The following NEBL variants were observed in gnomAD, a reference collection of about 807,000 sequenced individuals.
NEBL encodes nebulette.
A neutral mutation model predicts 140.2 loss-of-function variants in NEBL; 122 were observed. The ratio of observed to expected loss-of-function variants is 0.87; its 90% confidence interval spans 0.75 to 1.01. The LOEUF (loss-of-function observed/expected upper bound fraction) is 1.01, where lower values mean the gene tolerates loss of function less well. Among genes scored for constraint, NEBL ranks in the 50% least tolerant of loss-of-function variants. The pLI is 0.00. For missense variants in NEBL, 1,365 were observed against 1,231.3 expected, an observed-to-expected ratio of 1.11 and a Z score of -1.62; for synonymous variants, 436 against 398.9, an observed-to-expected ratio of 1.09 and a Z score of -1.11.
At position 20,840,674 on chromosome 10, in the gene NEBL, A is replaced by G. The variant is rs113650237; in HGVS notation, c.1338+65T>C. On this transcript the variant is annotated intron_variant, in intron 13 of 27. Coordinates refer to ENST00000377122, the MANE Select transcript of NEBL (RefSeq NM_006393.3). ...TATAGATGTATAGAACCTTTGAGAAAGATTGACAAATAAGAAAGTCAGCTA... is the reference window on the plus strand; with the variant it reads ...TATAGATGTATAGAACCTTTGAGAAGGATTGACAAATAAGAAAGTCAGCTA... The G allele has an allele frequency of 1.0e-4, 110 of 1,096,296 alleles. No homozygotes were observed. In the African/African-American group the frequency reaches 1.6e-3, roughly 16 times the overall value. 67.9% of individuals were successfully genotyped at this position (1,096,296 alleles called of 1,614,324 possible).
At chr10:21,167,160 T>G (rs930385051) in intron 2 of NEBL, among the ~76,000 whole-genome samples, 2 of 152,158 alleles carry the variant, frequency 1.3e-5, no homozygotes, top group African/African-American at 4.8e-5. Flanking sequence ...TCAATAAATA[T>G]TCACGAGAGG....
intron 3 of NEBL, among the ~76,000 whole-genome samples, chr10:21,187,904 C>A (rs1200666103): frequency 1.3e-5 from 2 of 152,148 alleles, no homozygotes; most frequent in East Asian, 3.8e-4. Context: ...GGATTTTTCT[C>A]CCATCTTCAT....
intron 17 of NEBL, among the ~76,000 whole-genome samples, chr10:20,827,860 G>A (rs1165112078): frequency 6.6e-6 from 1 of 152,098 alleles, no homozygotes; most frequent in East Asian, 1.9e-4. Context: ...CTTATAAGTG[G>A]GAGCTAAATG....
intron 2 of NEBL, among the ~76,000 whole-genome samples, chr10:21,151,449 C>T (rs552072832): frequency 8.6e-4 from 131 of 152,286 alleles, no homozygotes; most frequent in African/African-American, 3.1e-3. Context: ...TTAGCACAAG[C>T]GCACACACAC....
At chr10:21,202,094 G>T (rs747502894) in intron 3 of NEBL, among the ~76,000 whole-genome samples, 12 of 151,930 alleles carry the variant, frequency 7.9e-5, no homozygotes, top group Non-Finnish European at 1.3e-4. Flanking sequence ...CACAATGCTG[G>T]CAATAAAAGA....
intron 3 of NEBL, among the ~76,000 whole-genome samples, chr10:20,975,390 G>C (rs1836749514): frequency 6.6e-6 from 1 of 152,032 alleles, no homozygotes; most frequent in Non-Finnish European, 1.5e-5. Flanking sequence ...GTTCATGAGA[G>C]TACAGCTATT....
intron 2 of NEBL, among the ~76,000 whole-genome samples, chr10:21,104,602 G>A (rs995338890): frequency 1.3e-5 from 2 of 152,074 alleles, no homozygotes; most frequent in African/African-American, 4.8e-5. Flanking sequence ...CTAAACTCAC[G>A]TATTAGTTCA....
chr10:20,859,158 C>G (rs75624041), intron 8 of NEBL, among the ~76,000 whole-genome samples: 2,901 of 152,160 alleles, frequency 0.019, 86 homozygotes, highest in African/African-American at 0.066. Context: ...TTTTTATACT[C>G]TAATTCTAAC....
intron 2 of NEBL, among the ~76,000 whole-genome samples, chr10:21,142,801 T>G (rs1839700651): frequency 6.6e-6 from 1 of 152,052 alleles, no homozygotes; most frequent in Non-Finnish European, 1.5e-5. Flanking sequence ...CCAGTTGTGC[T>G]CCTTATGAGA....
intron 4 of NEBL, among the ~76,000 whole-genome samples, chr10:20,924,971 C>A (rs563599733): frequency 6.6e-6 from 1 of 151,858 alleles, no homozygotes; most frequent in Admixed American, 6.6e-5. Flanking sequence ...ACCCCCAACC[C>A]CCTGCTCTAT....
chr10:20,952,904 C>CAAAAAAAAAAAAAAAAAAA (rs34713711), intron 4 of NEBL, among the ~76,000 whole-genome samples: 7 of 62,262 alleles, frequency 1.1e-4, no homozygotes, highest in Admixed American at 2.3e-4. Context: ...GACCCTGTCT[C>CAAAAAAAAAAAAAAAAAAA]AAAAAAAAAA....
chr10:21,011,490 G>A (rs961565608), intron 3 of NEBL, among the ~76,000 whole-genome samples: 4 of 152,108 alleles, frequency 2.6e-5, no homozygotes, highest in Non-Finnish European at 4.4e-5. Context: ...CTGCTTCCTG[G>A]TTCCCCTCTG....
intron 3 of NEBL, among the ~76,000 whole-genome samples, chr10:21,225,530 G>T (rs1313212967): frequency 2.0e-5 from 3 of 152,170 alleles, no homozygotes; most frequent in Non-Finnish European, 4.4e-5. Flanking sequence ...GCTAGGGCCT[G>T]AATTGAAAAC....
Position 20,785,788 on chromosome 10 carries a change from T to A in NEBL, c.3004A>T (p.Thr1002Ser), listed in dbSNP as rs1339371967. The change falls in exon 28 of 28, where the codon ACA becomes TCA. Residue 1002 changes from threonine (T) to serine (S), a missense_variant. Around this residue, in one of 2 missense-constraint regions of NEBL, gnomAD observed 42 missense variants for 76.5 expected, o/e 0.55. Coordinates refer to ENST00000377122, the MANE Select transcript of NEBL (RefSeq NM_006393.3). ...ATGTAATTCGCTGGGAGCATTCCTG[T>A]TCTCCCTGTTCTCTGCACTGTGCCG... ...MYGTVQRTGR[T>S]GMLPANYIEF... The A allele has an allele frequency of 6.2e-7, 1 of 1,613,904 alleles. No individual in the cohort carries two copies. Among genetic ancestry groups the A allele is most frequent in the Non-Finnish European group, 8.5e-7 (1 of 1,179,956 alleles).
chr10:21,174,239 G>A (rs901586274), upstream of NEBL: 4 of 171,390 alleles, frequency 2.3e-5, no homozygotes, highest in Non-Finnish European at 3.5e-5. Context: ...TGCACGTCGG[G>A]CACCCTGGGA....
chr10:20,859,462 T>C (rs1843433792), intron 8 of NEBL, among the ~76,000 whole-genome samples: 3 of 152,194 alleles, frequency 2.0e-5, no homozygotes, highest in African/African-American at 7.2e-5. Context: ...CTATAATCTA[T>C]TTCCACTCTT....
intron 2 of NEBL, among the ~76,000 whole-genome samples, chr10:21,105,023 G>A (rs1309381309): frequency 6.6e-6 from 1 of 152,040 alleles, no homozygotes; most frequent in Non-Finnish European, 1.5e-5. Context: ...GGAAAACATT[G>A]ATTGATCTTT....
intron 2 of NEBL, among the ~76,000 whole-genome samples, chr10:21,143,475 A>T (rs1037153027): frequency 5.9e-5 from 9 of 151,316 alleles, no homozygotes; most frequent in Admixed American, 5.9e-4. Context: ...AAAAAAATCA[A>T]ACGTGAAAAG....
chr10:21,146,866 A>G (rs928054144), intron 2 of NEBL, among the ~76,000 whole-genome samples: 21 of 152,178 alleles, frequency 1.4e-4, no homozygotes, highest in Non-Finnish European at 5.9e-5. Flanking sequence ...TTCGGACACA[A>G]TTATCTGACT....
Sources: gnomAD v4.1 joint callset for allele counts (sites outside exome capture counted in the v4.1 genomes callset) on GRCh38, gnomAD v4.1.1 for gene constraint, gnomAD v4.1.1 regional missense constraint, MANE v1.5 for transcripts, NCBI Gene and HGNC (gene_info 2026-07-23, HGNC 2026-07-21) for gene names.